The following ALK variants were observed in gnomAD, a reference collection of about 807,000 sequenced individuals.
The protein encoded by ALK is ALK tyrosine kinase receptor.
Under a neutral mutation model 163.1 loss-of-function variants are expected in ALK, and 74 were observed. The ratio of observed to expected loss-of-function variants is 0.45; its 90% confidence interval spans 0.38 to 0.55. The LOEUF is 0.55. ALK is among the 20% of genes least tolerant of loss of function. The probability of loss-of-function intolerance (pLI) is 0.00; values close to 1 mark genes in which losing one functional copy is unlikely to be tolerated. For missense variants in ALK, 2,063 were observed against 2,105.3 expected, an observed-to-expected ratio of 0.98 and a Z score of 0.39; for synonymous variants, 960 against 843.2, an observed-to-expected ratio of 1.14 and a Z score of -2.40.
intron 1 of ALK, among the ~76,000 whole-genome samples, chr2:29,858,375 A>G (rs975749754): frequency 1.3e-5 from 2 of 152,104 alleles, no homozygotes; most frequent in African/African-American, 2.4e-5. Flanking sequence ...TAACTGAGAC[A>G]CAAAAGTGGA....
intron 6 of ALK, among the ~76,000 whole-genome samples, chr2:29,325,855 A>T (rs1346294551): frequency 6.6e-6 from 1 of 152,258 alleles, no homozygotes; most frequent in Non-Finnish European, 1.5e-5. Flanking sequence ...CATAGAGTAA[A>T]GGCTCAACAG....
intron 3 of ALK, among the ~76,000 whole-genome samples, chr2:29,550,683 A>G (rs59907552): frequency 0.037 from 5,678 of 152,274 alleles, 158 homozygotes; most frequent in African/African-American, 0.079. Flanking sequence ...GCTTTCAAAT[A>G]TAGGGACAAA....
At chr2:29,715,629 T>C (rs2246985) in intron 2 of ALK, among the ~76,000 whole-genome samples, 97,870 of 151,882 alleles carry the variant, frequency 0.64, 35,861 homozygotes, top group Non-Finnish European at 0.82. Context: ...TGGGTAGATT[T>C]ACCCCTTGGG....
At chr2:29,405,086 A>G (rs1327338997) in intron 4 of ALK, among the ~76,000 whole-genome samples, 4 of 152,192 alleles carry the variant, frequency 2.6e-5, no homozygotes. Flanking sequence ...TCAAAATAAG[A>G]TTCTTTTTGA....
Position 29,419,128 on chromosome 2 carries a change from T to G in ALK, c.1155-35269A>C, listed in dbSNP as rs929068177. Among the ~76,000 whole-genome samples, 4 of 151,352 alleles carry G rather than the reference T, an allele frequency of 2.6e-5. 1 individual carries two copies. Among genetic ancestry groups the G allele is most frequent in the African/African-American group, 9.8e-5 (4 of 40,694 alleles). On this transcript the variant is annotated intron_variant, in intron 4 of 28. Coordinates refer to ENST00000389048, the MANE Select transcript of ALK (RefSeq NM_004304.5). ...TGGGTGCAGTAGTGCAAACTCAGCT[T>G]ACTGCAACCTCCGCCTCCCGTGTTC...
chr2:29,427,721 C>T (rs10865512), intron 4 of ALK, among the ~76,000 whole-genome samples: 149,705 of 152,188 alleles, frequency 0.98, 73,671 homozygotes, highest in Non-Finnish European at 1. Flanking sequence ...TAACATTAAA[C>T]GCAAATGGAC....
At chr2:29,492,831 T>C (rs1196170661) in intron 4 of ALK, among the ~76,000 whole-genome samples, 3 of 152,234 alleles carry the variant, frequency 2.0e-5, no homozygotes, top group African/African-American at 7.2e-5. Flanking sequence ...ATCAACTTCA[T>C]AGTGGTAATA....
rs369419659 is a variant in ALK, at chr2:29,254,410, C to T, written c.2042-3143G>A. ...GGCTTGGCACACTACCTGAGCATCTCACCTTCAGTGGGAACCACTTCAGCC... is the reference window on the plus strand; with the variant it reads ...GGCTTGGCACACTACCTGAGCATCTTACCTTCAGTGGGAACCACTTCAGCC... On this transcript the variant is annotated intron_variant, in intron 11 of 28. Transcript: ENST00000389048. Among the ~76,000 whole-genome samples, 23 of 152,308 alleles carry T rather than the reference C, an allele frequency of 1.5e-4. No individual in the cohort carries two copies. The East Asian group carries it at 4.2e-3, about 28-fold the overall frequency.
At chr2:29,675,928 A>T (rs137966797) in intron 3 of ALK, among the ~76,000 whole-genome samples, 1 of 151,986 alleles carries the variant, frequency 6.6e-6, no homozygotes, top group Admixed American at 6.6e-5. Flanking sequence ...ACCCCTCTAT[A>T]TTGACCAGAC....
chr2:29,670,396 G>C (rs1381743141), intron 3 of ALK, among the ~76,000 whole-genome samples: 1 of 151,950 alleles, frequency 6.6e-6, no homozygotes, highest in Admixed American at 6.6e-5. Flanking sequence ...AGATGAATTG[G>C]AGTTCCTTTA....
At chr2:29,749,953 T>C (rs1288741240) in intron 1 of ALK, among the ~76,000 whole-genome samples, 1 of 152,176 alleles carries the variant, frequency 6.6e-6, no homozygotes, top group Admixed American at 6.5e-5. Context: ...AGCAGGTTCA[T>C]GTCATTATCT....
At chr2:29,528,008 T>C (rs79984276) in intron 4 of ALK, among the ~76,000 whole-genome samples, 1,708 of 152,346 alleles carry the variant, frequency 0.011, 18 homozygotes, top group African/African-American at 0.029. Context: ...CCCTCTGGAC[T>C]GAGGCTTATT....
intron 4 of ALK, among the ~76,000 whole-genome samples, chr2:29,408,087 CT>C (rs750506949): frequency 2.4e-4 from 35 of 145,322 alleles, no homozygotes; most frequent in Non-Finnish European, 3.3e-4. Flanking sequence ...AGTTCTTTTT[CT>C]TTTTTTTTTT....
chr2:29,426,835 C>T (rs892893731), intron 4 of ALK, among the ~76,000 whole-genome samples: 6 of 151,748 alleles, frequency 4.0e-5, no homozygotes, highest in Non-Finnish European at 5.9e-5. Flanking sequence ...TTCAAGAGAT[C>T]GAGACCATAC....
At chr2:29,505,806 G>GAAA (rs56339658) in intron 4 of ALK, among the ~76,000 whole-genome samples, 66 of 137,932 alleles carry the variant, frequency 4.8e-4, no homozygotes, top group African/African-American at 1.6e-3. Context: ...TACACTAATT[G>GAAA]AAAAAAAAAA....
At chr2:29,867,277 C>CAAAAACA (rs546751404) in intron 1 of ALK, among the ~76,000 whole-genome samples, 55 of 152,150 alleles carry the variant, frequency 3.6e-4, no homozygotes, top group African/African-American at 1.3e-3. Flanking sequence ...TTAGTCCTTA[C>CAAAAACA]AAAAACAAAA....
chr2:29,306,476 C>T (rs139754077), intron 8 of ALK, among the ~76,000 whole-genome samples: 193 of 152,290 alleles, frequency 1.3e-3, no homozygotes, highest in African/African-American at 4.0e-3. Context: ...GCAATGTGGG[C>T]GCTACCTGGG....
At chr2:29,285,318 T>A (rs1249676341) in intron 9 of ALK, among the ~76,000 whole-genome samples, 1 of 151,804 alleles carries the variant, frequency 6.6e-6, no homozygotes. Context: ...TGCAGTGGTG[T>A]GATCTTGGCT....
At position 29,246,819 on chromosome 2, in the gene ALK, T is replaced by C. The variant is rs1664686237; in HGVS notation, c.2204+4286A>G. ...TGAGTGACAGTGACTCCCTTCCAAC[T>C]GCTCTCCCCACCTCCAGGCCGTTTC... On this transcript the variant is annotated intron_variant, in intron 12 of 28. Coordinates refer to ENST00000389048, the MANE Select transcript of ALK (RefSeq NM_004304.5). The surrounding 1 kb of genome is among the most constrained non-coding windows in gnomAD (Gnocchi z 4.3). Among the ~76,000 whole-genome samples, 1 of 152,116 alleles carries C rather than the reference T, an allele frequency of 6.6e-6. No individual in the cohort carries two copies. Among genetic ancestry groups the C allele is most frequent in the South Asian group, 2.1e-4 (1 of 4,824 alleles).
Sources: gnomAD v4.1 joint callset for allele counts (sites outside exome capture counted in the v4.1 genomes callset) on GRCh38, gnomAD v4.1.1 for gene constraint, Gnocchi (gnomAD v3.1) non-coding constraint, MANE v1.5 for transcripts, NCBI Gene and HGNC (gene_info 2026-07-23, HGNC 2026-07-21) for gene names.